The following SLCO5A1 variants were observed in gnomAD, a reference collection of about 807,000 sequenced individuals.
SLCO5A1 encodes solute carrier organic anion transporter family member 5A1, also known as organic anion transporter polypeptide-related protein 4.
A neutral mutation model predicts 65.1 loss-of-function variants in SLCO5A1; 39 were observed. That is an observed-to-expected ratio of 0.60 (90% CI 0.46 to 0.78). The LOEUF (loss-of-function observed/expected upper bound fraction) is 0.78, where lower values mean the gene tolerates loss of function less well. SLCO5A1 is among the 30% of genes least tolerant of loss of function. SLCO5A1 has a pLI of 0.00. For synonymous variants in SLCO5A1, 438 were observed against 415.7 expected, an observed-to-expected ratio of 1.05 and a Z score of -0.65; for missense variants, 1,029 against 1,069.4, an observed-to-expected ratio of 0.96 and a Z score of 0.53.
At position 69,733,978 on chromosome 8, in the gene SLCO5A1, G is replaced by T. The variant is rs373626501; in HGVS notation, c.1423+4062C>A. ...AAGAGATAGATGTGACCCCAAGTGG[G>T]TCAGCAGAAAGACCATGAGCAGGGA... is the stretch of plus-strand genomic sequence containing the variant. On this transcript the variant is annotated intron_variant, in intron 5 of 9. Coordinates refer to ENST00000260126, the MANE Select transcript of SLCO5A1 (RefSeq NM_030958.3). Among the ~76,000 whole-genome samples the T allele has an allele frequency of 8.5e-5, 13 of 152,252 alleles. 1 individual carries two copies. Among genetic ancestry groups the T allele is most frequent in the African/African-American group, 3.1e-4 (13 of 41,528 alleles).
At chr8:69,737,688 A>G (rs1011676847) in intron 5 of SLCO5A1, among the ~76,000 whole-genome samples, 20 of 152,036 alleles carry the variant, frequency 1.3e-4, no homozygotes, top group African/African-American at 4.6e-4. Context: ...CAGGTTATCA[A>G]TTTTTTTTAA....
intron 6 of SLCO5A1, chr8:69,704,771 T>A: frequency 2.3e-6 from 1 of 443,606 alleles, no homozygotes; most frequent in East Asian, 3.7e-5. Context: ...ATTAATCCAA[T>A]AAGCATTTCA....
chr8:69,760,817 C>A (rs1200862521), intron 3 of SLCO5A1, among the ~76,000 whole-genome samples: 1 of 152,170 alleles, frequency 6.6e-6, no homozygotes, highest in African/African-American at 2.4e-5. Flanking sequence ...AGTTGAAGTT[C>A]TCATTCTGAG....
intron 2 of SLCO5A1, chr8:69,772,956 A>C: frequency 1.0e-6 from 1 of 985,352 alleles, no homozygotes; most frequent in Non-Finnish European, 1.2e-6. Context: ...TGCAACAAGC[A>C]CCAATTATAT....
At chr8:69,815,647 A>AACAC (rs55665513) in intron 2 of SLCO5A1, among the ~76,000 whole-genome samples, 8,768 of 141,172 alleles carry the variant, frequency 0.062, 255 homozygotes, top group Middle Eastern at 0.084. Context: ...GTAAAATATC[A>AACAC]ACACACACAC....
chr8:69,668,368 A>T lies in SLCO5A1; in HGVS notation c.*4501T>A, dbSNP rs546304932. 4.6e-5 allele frequency: 7 copies of T among 152,238 alleles called. No homozygotes were observed. Among genetic ancestry groups the T allele is most frequent in the Non-Finnish European group, 1.0e-4 (7 of 68,052 alleles). 9.4% of individuals were successfully genotyped at this position (152,238 alleles called of 1,614,324 possible). A position where few individuals can be genotyped will look rare whatever the true frequency, so the allele number is the denominator to read the frequency against. On this transcript the variant is annotated 3_prime_UTR_variant, in exon 10 of 10. Transcript: ENST00000260126. ...GTGGAAAGGCTACCTACTGGTCTGTATAACAGAGAACTAGCAAACCTGCAG... is the reference window on the plus strand; with the variant it reads ...GTGGAAAGGCTACCTACTGGTCTGTTTAACAGAGAACTAGCAAACCTGCAG...
chr8:69,693,911 C>G (rs781524702), intron 6 of SLCO5A1, among the ~76,000 whole-genome samples: 3 of 152,158 alleles, frequency 2.0e-5, no homozygotes, highest in Non-Finnish European at 4.4e-5. Context: ...AGAAACCAAG[C>G]CCAGAAAAGT....
At chr8:69,802,318 C>A (rs1209408386) in intron 2 of SLCO5A1, among the ~76,000 whole-genome samples, 1 of 151,436 alleles carries the variant, frequency 6.6e-6, no homozygotes, top group Non-Finnish European at 1.5e-5. Context: ...GTCTGGGCAA[C>A]ATAGTGAGAC....
chr8:69,692,956 T>A (rs1292927120), intron 6 of SLCO5A1, among the ~76,000 whole-genome samples: 1 of 152,194 alleles, frequency 6.6e-6, no homozygotes, highest in Non-Finnish European at 1.5e-5. Flanking sequence ...TATTATCAAG[T>A]TCTATGTACT....
Position 69,673,175 on chromosome 8 carries a change from G to A in SLCO5A1, c.2241C>T (p.Phe747=), listed in dbSNP as rs1294938615. 2 of 1,614,010 alleles carry A rather than the reference G, an allele frequency of 1.2e-6. No homozygotes were observed. Among genetic ancestry groups the A allele is most frequent in the African/African-American group, 1.3e-5 (1 of 74,918 alleles). The part of the protein sequence containing the change: ...VYFGLAAGLK[F]VGFIFIFLAW... ...CCAGAAAAATAAAAATAAACCCAAC[G>A]AATTTGAGGCCGGCAGCCAAACCAA... The change falls in exon 10 of 10, where the codon TTC becomes TTT. Residue 747 remains phenylalanine, a synonymous_variant. Coordinates refer to ENST00000260126, the MANE Select transcript of SLCO5A1 (RefSeq NM_030958.3).
At chr8:69,826,896 C>A (rs1351217354) in intron 2 of SLCO5A1, among the ~76,000 whole-genome samples, 1 of 151,928 alleles carries the variant, frequency 6.6e-6, no homozygotes, top group African/African-American at 2.4e-5. Flanking sequence ...TGGAACCAAC[C>A]CAAATGTCCA....
At chr8:69,782,430 A>C (rs1351671637) in intron 2 of SLCO5A1, among the ~76,000 whole-genome samples, 2 of 151,936 alleles carry the variant, frequency 1.3e-5, no homozygotes, top group Non-Finnish European at 2.9e-5. Flanking sequence ...GAATTAAAAA[A>C]TTAGCCAGGT....
intron 2 of SLCO5A1, among the ~76,000 whole-genome samples, chr8:69,821,818 A>G (rs147161859): frequency 0.17 from 24,813 of 148,838 alleles, 2,233 homozygotes; most frequent in East Asian, 0.24. Context: ...AAAAAAAAAA[A>G]AAAAGAAAAG....
intron 2 of SLCO5A1, among the ~76,000 whole-genome samples, chr8:69,797,650 C>A (rs568957522): frequency 6.6e-6 from 1 of 152,062 alleles, no homozygotes; most frequent in Non-Finnish European, 1.5e-5. Context: ...CTTTTATGGT[C>A]GAAGCTGTAG....
At chr8:69,742,783 G>A (rs558239751) in intron 4 of SLCO5A1, among the ~76,000 whole-genome samples, 26 of 146,966 alleles carry the variant, frequency 1.8e-4, no homozygotes, top group Admixed American at 1.4e-3. Context: ...GATAGGTGGT[G>A]TGAGTGGATT....
At chr8:69,737,323 A>G (rs745534282) in intron 5 of SLCO5A1, among the ~76,000 whole-genome samples, 1 of 152,258 alleles carries the variant, frequency 6.6e-6, no homozygotes, top group Non-Finnish European at 1.5e-5. Context: ...ACTGAAATAT[A>G]CCTTATTAAA....
chr8:69,786,085 T>C (rs910378028), intron 2 of SLCO5A1, among the ~76,000 whole-genome samples: 9 of 152,216 alleles, frequency 5.9e-5, no homozygotes, highest in Admixed American at 4.6e-4. Context: ...CCACAGATGA[T>C]ATAGTTATTA....
intron 2 of SLCO5A1, among the ~76,000 whole-genome samples, chr8:69,813,438 T>C (rs1328788361): frequency 6.6e-6 from 1 of 152,218 alleles, no homozygotes; most frequent in Non-Finnish European, 1.5e-5. Flanking sequence ...AACCTGCCCC[T>C]GTCTTTCTAA....
At chr8:69,791,919 G>A (rs1186635094) in intron 2 of SLCO5A1, among the ~76,000 whole-genome samples, 1 of 152,170 alleles carries the variant, frequency 6.6e-6, no homozygotes, top group Non-Finnish European at 1.5e-5. Context: ...AAATAGTAAA[G>A]TCAAAACAAA....
Sources: gnomAD v4.1 joint callset for allele counts (sites outside exome capture counted in the v4.1 genomes callset) on GRCh38, gnomAD v4.1.1 for gene constraint, MANE v1.5 for transcripts, NCBI Gene and HGNC (gene_info 2026-07-23, HGNC 2026-07-21) for gene names.